Variants in RTP2 observed in about 807,000 individuals in gnomAD.
The protein encoded by RTP2 is receptor-transporting protein 2.
In RTP2, 12 loss-of-function variants were observed where a neutral mutation model predicts 17.9. The observed-to-expected ratio is 0.67, with a 90% CI of 0.43 to 1.09. The LOEUF is 1.09. RTP2 is among the 50% of genes least tolerant of loss of function. The pLI, the probability that RTP2 is intolerant of heterozygous loss-of-function variation, is 0.00. For synonymous variants in RTP2, 126 were observed against 117.7 expected, an observed-to-expected ratio of 1.07 and a Z score of -0.46; for missense variants, 327 against 295.7, an observed-to-expected ratio of 1.11 and a Z score of -0.78.
the RTP2 span, among the ~76,000 whole-genome samples, chr3:187,710,065 C>G: frequency 6.6e-6 from 1 of 152,170 alleles, no homozygotes; most frequent in Non-Finnish European, 1.5e-5. Context: ...AGATGGCCCT[C>G]CCAACGTGGA....
At chr3:187,700,590 T>A (rs1050484033) in intron 1 of RTP2, among the ~76,000 whole-genome samples, 14 of 152,336 alleles carry the variant, frequency 9.2e-5, no homozygotes, top group Admixed American at 3.9e-4. Flanking sequence ...ATGCTTTATG[T>A]TTTCAGTCTC....
At chr3:187,712,048 T>C in the RTP2 span, among the ~76,000 whole-genome samples, 1 of 152,186 alleles carries the variant, frequency 6.6e-6, no homozygotes, top group East Asian at 1.9e-4. Flanking sequence ...ATGGAACTGC[T>C]GTATATCTTG....
chr3:187,714,409 C>T, the RTP2 span, among the ~76,000 whole-genome samples: 1 of 152,342 alleles, frequency 6.6e-6, no homozygotes, highest in East Asian at 1.9e-4. Context: ...GCCAGAGCCC[C>T]TCAGTCAGTT....
At chr3:187,706,823 G>A (rs559956426), upstream of RTP2, among the ~76,000 whole-genome samples, 3 of 152,160 alleles carry the variant, frequency 2.0e-5, no homozygotes, top group Admixed American at 1.3e-4. Flanking sequence ...GGCTGGTCTC[G>A]AACTCCTGAC....
chr3:187,704,757 C>T (rs1717948371), upstream of RTP2, among the ~76,000 whole-genome samples: 1 of 152,134 alleles, frequency 6.6e-6, no homozygotes, highest in African/African-American at 2.4e-5. Context: ...GAAGGCCTCT[C>T]CATCCCCAGG....
upstream of RTP2, among the ~76,000 whole-genome samples, chr3:187,707,366 G>A (rs1718018447): frequency 6.6e-6 from 1 of 152,194 alleles, no homozygotes; most frequent in Admixed American, 6.5e-5. Context: ...GATCGTCTTT[G>A]GAAAACATGC....
chr3:187,701,509 C>T (rs1390272846), intron 1 of RTP2, among the ~76,000 whole-genome samples: 1 of 152,198 alleles, frequency 6.6e-6, no homozygotes, highest in Non-Finnish European at 1.5e-5. Context: ...GTTCGTAGCA[C>T]ACAGCAGGTG....
intron 1 of RTP2, among the ~76,000 whole-genome samples, chr3:187,700,508 T>A (rs1717817863): frequency 6.6e-6 from 1 of 152,226 alleles, no homozygotes; most frequent in South Asian, 2.1e-4. Context: ...CTTGCTGAGC[T>A]CAGCCCCGAA....
At chr3:187,698,671 C>T (rs1553830148) in exon 2 of RTP2, 1 of 1,614,192 alleles carries the variant, frequency 6.2e-7, no homozygotes, top group Non-Finnish European at 8.5e-7. Flanking sequence ...AGCAGCTTCT[C>T]GCTGGGCTTC....
At position 187,702,007 on chromosome 3, in the gene RTP2, G is replaced by T. The variant is rs201473509; in HGVS notation, c.122C>A (p.Ala41Asp). The change falls in exon 1 of 2, where the codon GCC (alanine) becomes GAC (aspartate). Residue 41 changes from alanine to aspartate, a missense_variant. Physicochemically the swap from Ala to Asp is moderately radical, Grantham distance 126. Transcript: ENST00000358241. Reference sequence around the variant, plus strand: ...CTCCAGGTACTGCTTCCAGCCAGGGGCCAGCTCACTGGGCTTGAGGTTGGG... The same window carrying T: ...CTCCAGGTACTGCTTCCAGCCAGGGTCCAGCTCACTGGGCTTGAGGTTGGG... 10 of 1,611,824 alleles carry T rather than the reference G, an allele frequency of 6.2e-6. No individual in the cohort carries two copies. The East Asian group carries it at 1.6e-4, about 25-fold the overall frequency.
upstream of RTP2, among the ~76,000 whole-genome samples, chr3:187,704,617 C>A (rs952009297): frequency 1.3e-5 from 2 of 152,102 alleles, no homozygotes; most frequent in Non-Finnish European, 2.9e-5. Flanking sequence ...ATTTCTTTAC[C>A]AGGAAATAGA....
At chr3:187,714,706 C>T in the RTP2 span, among the ~76,000 whole-genome samples, 1 of 152,144 alleles carries the variant, frequency 6.6e-6, no homozygotes, top group African/African-American at 2.4e-5. Context: ...CCTGTACAGA[C>T]GCTCACAGTT....
At chr3:187,710,553 A>G in the RTP2 span, among the ~76,000 whole-genome samples, 7,807 of 148,688 alleles carry the variant, frequency 0.053, 329 homozygotes, top group African/African-American at 0.12. Flanking sequence ...ATATATATAT[A>G]TGTGTGTGTA....
At chr3:187,701,894 C>T in intron 1 of RTP2, 71 bp downstream of exon 1, 2 of 1,420,708 alleles carry the variant, frequency 1.4e-6, no homozygotes, top group Non-Finnish European at 1.9e-6. Context: ...GGCTCTGTCT[C>T]TCCTTGGAAA....
chr3:187,698,937 C>T (rs765572958), exon 2 of RTP2: 3 of 1,608,920 alleles, frequency 1.9e-6, no homozygotes, highest in South Asian at 2.2e-5. Flanking sequence ...CCGCTGGGCG[C>T]GGTCCAGGAA....
At chr3:187,701,004 G>A (rs1717831918) in intron 1 of RTP2, among the ~76,000 whole-genome samples, 1 of 152,078 alleles carries the variant, frequency 6.6e-6, no homozygotes, top group African/African-American at 2.4e-5. Context: ...GCACCATTCT[G>A]CACCATGAGA....
chr3:187,712,665 G>A, the RTP2 span, among the ~76,000 whole-genome samples: 1 of 152,138 alleles, frequency 6.6e-6, no homozygotes, highest in Non-Finnish European at 1.5e-5. Flanking sequence ...GTCCATGCAT[G>A]TTCGTCTCCT....
At chr3:187,712,875 C>A in the RTP2 span, among the ~76,000 whole-genome samples, 1 of 152,174 alleles carries the variant, frequency 6.6e-6, no homozygotes, top group East Asian at 1.9e-4. Context: ...CCTATACAGT[C>A]TTTGCATTTG....
chr3:187,698,360 C>A, exon 2 of RTP2: 1 of 679,022 alleles, frequency 1.5e-6, no homozygotes, highest in Non-Finnish European at 2.5e-6. Flanking sequence ...TCCTCTCATT[C>A]CGCAGATGCA....
Sources: gnomAD v4.1 joint callset for allele counts (sites outside exome capture counted in the v4.1 genomes callset) on GRCh38, gnomAD v4.1.1 for gene constraint, MANE v1.5 for transcripts, NCBI Gene and HGNC (gene_info 2026-07-23, HGNC 2026-07-21) for gene names.